SHPRH: variants seen among roughly 807,000 people sequenced by gnomAD.
SHPRH encodes the protein E3 ubiquitin-protein ligase SHPRH.
In SHPRH, 106 loss-of-function variants were observed where a neutral mutation model predicts 202.5. The ratio of observed to expected loss-of-function variants is 0.52; its 90% CI spans 0.45 to 0.62. SHPRH has a LOEUF of 0.62. SHPRH is among the 20% of genes least tolerant of loss of function. The pLI, the probability that SHPRH is intolerant of heterozygous loss-of-function variation, is 0.00. For synonymous variants in SHPRH, 729 were observed against 686.0 expected (o/e 1.06, Z -0.98); for missense variants, 1,710 against 2,020.0 (o/e 0.85, Z 2.94).
intron 20 of SHPRH, 44 bp downstream of exon 20, chr6:145,922,242 A>C (rs777532614): frequency 3.2e-6 from 5 of 1,548,754 alleles, no homozygotes; most frequent in Non-Finnish European, 4.4e-6. Flanking sequence ...GTCTTGCAAA[A>C]TGTTTCATTT....
intron 2 of SHPRH, among the ~76,000 whole-genome samples, chr6:145,872,767 A>G (rs1044458557): frequency 1.3e-5 from 2 of 152,244 alleles, no homozygotes; most frequent in Admixed American, 1.3e-4. Context: ...TATTCACAAT[A>G]GCAGACATAG....
intron 24 of SHPRH, 132 bp from the exon 25 acceptor site, chr6:145,910,768 T>C (rs1316735431): frequency 4.8e-5 from 42 of 872,152 alleles, no homozygotes; most frequent in Middle Eastern, 3.2e-4. Context: ...TAAAGCCAAG[T>C]TGTGCCTTCA....
intron 17 of SHPRH, 126 bp downstream of exon 17, chr6:145,924,613 G>T: frequency 1.5e-6 from 1 of 651,424 alleles, no homozygotes; most frequent in Non-Finnish European, 2.7e-6. Context: ...TGTGGGTCAG[G>T]CAATGTGCTA....
intron 2 of SHPRH, among the ~76,000 whole-genome samples, chr6:145,871,692 A>G (rs1203318392): frequency 6.6e-6 from 1 of 152,198 alleles, no homozygotes; most frequent in African/African-American, 2.4e-5. Flanking sequence ...ATTAGAAAAA[A>G]CTATTTTGAA....
chr6:145,899,739 T>C (rs1414000016), intron 25 of SHPRH, among the ~76,000 whole-genome samples: 1 of 151,858 alleles, frequency 6.6e-6, no homozygotes. Flanking sequence ...AAGGAGAAAA[T>C]ATCTGCAAAC....
intron 23 of SHPRH, among the ~76,000 whole-genome samples, chr6:145,914,574 A>C (rs1783784088): frequency 6.6e-6 from 1 of 152,182 alleles, no homozygotes; most frequent in Non-Finnish European, 1.5e-5. Flanking sequence ...TTACGAAAAA[A>C]GGCAGCGGGC....
chr6:145,892,558 GTGTT>G (rs1333964248), intron 28 of SHPRH, among the ~76,000 whole-genome samples: 6 of 151,790 alleles, frequency 4.0e-5, no homozygotes, highest in South Asian at 2.1e-4. Flanking sequence ...TATTATGGAT[GTGTT>G]TTTTTTTCCT....
At chr6:145,881,777 A>C (rs1283719991), downstream of SHPRH, 2 of 152,204 alleles carry the variant, frequency 1.3e-5, no homozygotes, top group Admixed American at 1.3e-4. Context: ...AATAAGATTG[A>C]AAAAAAGGAA....
At chr6:145,957,177 C>A (rs974057929) in intron 1 of SHPRH, among the ~76,000 whole-genome samples, 2 of 151,980 alleles carry the variant, frequency 1.3e-5, no homozygotes, top group Non-Finnish European at 2.9e-5. Flanking sequence ...TGAAATGAAG[C>A]TTTACCTCCT....
At chr6:145,928,513 C>G (rs1170499907) in intron 14 of SHPRH, among the ~76,000 whole-genome samples, 1 of 151,334 alleles carries the variant, frequency 6.6e-6, no homozygotes, top group Non-Finnish European at 1.5e-5. Flanking sequence ...TAATTAGGAC[C>G]ATGTTCATAG....
intron 21 of SHPRH, among the ~76,000 whole-genome samples, chr6:145,920,302 G>A (rs1334357433): frequency 6.6e-6 from 1 of 152,052 alleles, no homozygotes; most frequent in Non-Finnish European, 1.5e-5. Flanking sequence ...AAACTGAGTC[G>A]AAAGGAAGAA....
chr6:145,902,760 T>A (rs1393321360), intron 25 of SHPRH, among the ~76,000 whole-genome samples: 1 of 152,114 alleles, frequency 6.6e-6, no homozygotes, highest in Non-Finnish European at 1.5e-5. Flanking sequence ...TTGTTATCCA[T>A]CCATGCATTC....
At chr6:145,918,385 T>C in intron 22 of SHPRH, 153 bp from the exon 23 acceptor site, 1 of 436,290 alleles carries the variant, frequency 2.3e-6, no homozygotes, top group Non-Finnish European at 3.9e-6. Flanking sequence ...GGATACTAGA[T>C]AATATATTTC....
chr6:145,893,132 G>T, intron 28 of SHPRH, 83 bp downstream of exon 28: 1 of 1,220,946 alleles, frequency 8.2e-7, no homozygotes, highest in Non-Finnish European at 1.1e-6. Context: ...ACGCTATGAT[G>T]AACATAAATG....
rs201374992 is a variant in SHPRH, at chr6:145,955,362, A to T, written c.-32-8T>A. ...GGCTGGTAACTGTGAACTCTAGAGG[A>T]CAAATGAAACAACAGGAGGTATAAC... On this transcript the variant is annotated splice_polypyrimidine_tract_variant and splice_region_variant and intron_variant, in intron 1 of 29. Coordinates refer to ENST00000275233, the MANE Select transcript of SHPRH (RefSeq NM_001042683.3). 6.1e-4 allele frequency: 948 copies of T among 1,551,306 alleles called. 2 individuals are homozygous for T. Among genetic ancestry groups the T allele is most frequent in the Non-Finnish European group, 7.8e-4 (896 of 1,155,278 alleles).
chr6:145,918,279 G>A, intron 22 of SHPRH, 47 bp from the exon 23 acceptor site: 2 of 1,218,464 alleles, frequency 1.6e-6, no homozygotes, highest in Admixed American at 3.1e-5. Flanking sequence ...CAGAAAGACA[G>A]TTAAATTATA....
chr6:145,945,654 A>T lies in SHPRH; in HGVS notation c.1322-17T>A, dbSNP rs894003263. ...CACGTGTAGCTAAATGTAAAAGGATATGCTAAATCAGTCAAAATAATTAAA... is the reference window on the plus strand; with the variant it reads ...CACGTGTAGCTAAATGTAAAAGGATTTGCTAAATCAGTCAAAATAATTAAA... On this transcript the variant is annotated splice_polypyrimidine_tract_variant and intron_variant, in intron 7 of 29. Coordinates refer to ENST00000275233, the MANE Select transcript of SHPRH (RefSeq NM_001042683.3). The T allele has an allele frequency of 1.3e-6, 2 of 1,568,858 alleles. No individual in the cohort carries two copies. Among genetic ancestry groups the T allele is most frequent in the African/African-American group, 2.8e-5 (2 of 72,712 alleles).
intron 28 of SHPRH, 150 bp from the exon 29 acceptor site, chr6:145,888,250 T>G (rs2128709147): frequency 5.3e-6 from 3 of 561,260 alleles, no homozygotes; most frequent in South Asian, 4.8e-5. Flanking sequence ...TAAAATGAAC[T>G]ATTTAATCTC....
In SHPRH at chr6:145,887,529, G is replaced by GTTT. The variant is rs200904161; in HGVS notation, c.4955+488_4955+490dup. The stretch of plus-strand genomic sequence containing the variant: ...TTGACACCACAATTAACCTTAACAA[G>GTTT]TTTGTTTTTTTTTTTTTTTTTTTTG... On this transcript the variant is annotated intron_variant, in intron 29 of 29. Transcript: ENST00000275233. Among the ~76,000 whole-genome samples the GTTT allele has an allele frequency of 5.3e-4, 69 of 130,112 alleles. 4 individuals are homozygous for GTTT. The highest frequency in any genetic ancestry group is 5.0e-4 in the African/African-American group (18 of 35,770). The allele number at this position is 130,112 out of a possible 152,430, so 85.4% of individuals were successfully genotyped here. A position where few individuals can be genotyped will look rare whatever the true frequency, so the allele number is the denominator to read the frequency against.
Sources: allele counts gnomAD v4.1 joint callset (sites outside exome capture counted in the v4.1 genomes callset), GRCh38; gene constraint gnomAD v4.1.1; transcripts MANE v1.5; gene names NCBI Gene and HGNC (gene_info 2026-07-23, HGNC 2026-07-21).